Variants in KIF6 observed in about 807,000 individuals in gnomAD.
KIF6 encodes kinesin-like protein KIF6.
KIF6 carries 106 observed loss-of-function variants against 112.7 expected under a neutral mutation model. That is an observed-to-expected ratio of 0.94 (90% CI 0.80 to 1.11). The LOEUF (loss-of-function observed/expected upper bound fraction) is 1.11, where lower values mean the gene tolerates loss of function less well. KIF6 is among the 50% of genes least tolerant of loss of function. The pLI, the probability that KIF6 is intolerant of heterozygous loss-of-function variation, is 0.00. For synonymous variants in KIF6, 339 were observed against 339.9 expected (o/e 1.00, Z 0.03); for missense variants, 929 against 964.0 (o/e 0.96, Z 0.48).
At chr6:39,490,587 G>A (rs544625590) in intron 13 of KIF6, among the ~76,000 whole-genome samples, 25 of 152,288 alleles carry the variant, frequency 1.6e-4, no homozygotes, top group Admixed American at 3.3e-4. Context: ...GCTAGTTCTG[G>A]CAAAAGGCTG....
chr6:39,391,306 T>C (rs1767873293), intron 15 of KIF6, among the ~76,000 whole-genome samples: 1 of 152,178 alleles, frequency 6.6e-6, no homozygotes, highest in Non-Finnish European at 1.5e-5. Flanking sequence ...GGTAAGAGTC[T>C]GGCACATTGT....
chr6:39,481,580 C>G (rs1408131984), intron 13 of KIF6, among the ~76,000 whole-genome samples: 1 of 152,116 alleles, frequency 6.6e-6, no homozygotes, highest in Non-Finnish European at 1.5e-5. Context: ...TCCCAAATAC[C>G]TTGTTAGACA....
chr6:39,591,400 G>A (rs1306869327), intron 7 of KIF6, among the ~76,000 whole-genome samples: 2 of 152,192 alleles, frequency 1.3e-5, no homozygotes, highest in African/African-American at 4.8e-5. Flanking sequence ...AATAAAGTGA[G>A]CCTCAGTTCC....
At chr6:39,395,651 C>T (rs1473137093) in intron 15 of KIF6, among the ~76,000 whole-genome samples, 1 of 152,166 alleles carries the variant, frequency 6.6e-6, no homozygotes, top group East Asian at 1.9e-4. Flanking sequence ...CTCTGATTTC[C>T]ATCCTTATAT....
intron 13 of KIF6, among the ~76,000 whole-genome samples, chr6:39,520,270 G>A (rs920553542): frequency 6.6e-6 from 1 of 152,152 alleles, no homozygotes; most frequent in African/African-American, 2.4e-5. Context: ...TGGTACAAGT[G>A]TGTCTCAAAT....
At chr6:39,554,461 C>A in intron 10 of KIF6, 1 of 159,922 alleles carries the variant, frequency 6.3e-6, no homozygotes, top group Middle Eastern at 5.7e-4. Flanking sequence ...CTGTCTCTGG[C>A]CCTCCATCTC....
At position 39,573,590 on chromosome 6, in the gene KIF6, T is replaced by C. The variant is rs570277197; in HGVS notation, c.1181+4466A>G. Among the ~76,000 whole-genome samples the C allele has an allele frequency of 5.9e-5, 9 of 152,338 alleles. No individual in the cohort carries two copies. In the South Asian group the frequency reaches 1.9e-3, roughly 32 times the overall value. The stretch of plus-strand genomic sequence containing the variant: ...GGGTGATTTTCGTTTGCAACATTTG[T>C]TCTCCCTAACTGCTAGTCAGAAATC... On this transcript the variant is annotated intron_variant, in intron 10 of 22. Transcript: ENST00000287152.
intron 3 of KIF6, among the ~76,000 whole-genome samples, chr6:39,665,215 T>C (rs1272964356): frequency 6.6e-6 from 1 of 152,190 alleles, no homozygotes; most frequent in Non-Finnish European, 1.5e-5. Context: ...TATATTCAGT[T>C]ATCCAAAGAG....
intron 13 of KIF6, among the ~76,000 whole-genome samples, chr6:39,495,936 A>G (rs1321344245): frequency 6.6e-6 from 1 of 152,090 alleles, no homozygotes; most frequent in East Asian, 1.9e-4. Context: ...GGGCCTGGGG[A>G]CCCCAGAATA....
chr6:39,466,068 A>C (rs1464051356), intron 13 of KIF6, among the ~76,000 whole-genome samples: 1 of 152,208 alleles, frequency 6.6e-6, no homozygotes, highest in Non-Finnish European at 1.5e-5. Context: ...TCTCTCTGAC[A>C]GACATCTCTG....
chr6:39,611,523 A>T, intron 6 of KIF6, among the ~76,000 whole-genome samples: 1 of 152,150 alleles, frequency 6.6e-6, no homozygotes, highest in East Asian at 1.9e-4. Context: ...CCTTTCCATA[A>T]CCCACTGAAG....
intron 13 of KIF6, among the ~76,000 whole-genome samples, chr6:39,481,798 A>T (rs899479912): frequency 6.6e-6 from 1 of 151,914 alleles, no homozygotes; most frequent in African/African-American, 2.4e-5. Flanking sequence ...GCTATTTCCC[A>T]TCTGTGGGGA....
intron 17 of KIF6, among the ~76,000 whole-genome samples, chr6:39,361,750 G>A (rs1765164320): frequency 1.3e-5 from 2 of 151,764 alleles, no homozygotes; most frequent in East Asian, 1.9e-4. Context: ...ACCAGCGCCT[G>A]GGGCTTTGAT....
chr6:39,664,208 G>A (rs1267039811), intron 3 of KIF6, among the ~76,000 whole-genome samples: 3 of 152,108 alleles, frequency 2.0e-5, no homozygotes, highest in Non-Finnish European at 4.4e-5. Context: ...TTCAAGCTTG[G>A]TGTTTCAGGG....
At chr6:39,654,672 C>T (rs1313821688) in intron 3 of KIF6, among the ~76,000 whole-genome samples, 1 of 152,220 alleles carries the variant, frequency 6.6e-6, no homozygotes, top group Non-Finnish European at 1.5e-5. Context: ...CTCCAACTTT[C>T]ACCATAGTTA....
At chr6:39,656,773 C>G (rs1055316097) in intron 3 of KIF6, among the ~76,000 whole-genome samples, 3 of 152,198 alleles carry the variant, frequency 2.0e-5, no homozygotes, top group Non-Finnish European at 4.4e-5. Context: ...TCCTATATTT[C>G]CACATTTCAG....
intron 15 of KIF6, among the ~76,000 whole-genome samples, chr6:39,412,596 C>T (rs528032798): frequency 5.3e-5 from 8 of 152,108 alleles, no homozygotes; most frequent in Non-Finnish European, 1.0e-4. Context: ...TCTCTTACAA[C>T]CATGTTTCTT....
At chr6:39,495,725 G>C (rs1464888552) in intron 13 of KIF6, among the ~76,000 whole-genome samples, 1 of 152,192 alleles carries the variant, frequency 6.6e-6, no homozygotes, top group African/African-American at 2.4e-5. Context: ...TTTTTACGGG[G>C]AGGATGTAGT....
intron 13 of KIF6, among the ~76,000 whole-genome samples, chr6:39,501,271 A>AAAAC (rs10656361): frequency 0.1 from 15,319 of 152,072 alleles, 885 homozygotes; most frequent in Middle Eastern, 0.16. Flanking sequence ...TGTTAAAAGA[A>AAAAC]AAACAAACAA....
Sources: gnomAD v4.1 joint callset for allele counts (sites outside exome capture counted in the v4.1 genomes callset) on GRCh38, gnomAD v4.1.1 for gene constraint, MANE v1.5 for transcripts, NCBI Gene and HGNC (gene_info 2026-07-23, HGNC 2026-07-21) for gene names.